The following CEACAM8 variants were observed in gnomAD, a reference collection of about 807,000 sequenced individuals.
CEACAM8 encodes CEA cell adhesion molecule 8.
A neutral mutation model predicts 33.4 loss-of-function variants in CEACAM8; 31 were observed. The observed-to-expected ratio is 0.93, with a 90% CI of 0.70 to 1.25. The LOEUF (loss-of-function observed/expected upper bound fraction) is 1.25. Ranked by LOEUF, CEACAM8 falls within the 50% of genes most tolerant of loss-of-function variation. The pLI is 0.00. For synonymous variants in CEACAM8, 138 were observed against 164.5 expected (o/e 0.84, Z 1.23); for missense variants, 388 against 434.6 (o/e 0.89, Z 0.95).
intron 3 of CEACAM8, among the ~76,000 whole-genome samples, 161 bp from the exon 4 acceptor site, chr19:42,589,199 C>T (rs144665412): frequency 3.6e-4 from 55 of 152,286 alleles, no homozygotes; most frequent in African/African-American, 1.2e-3. Flanking sequence ...AGACAGAGTC[C>T]GAGACATTTA....
intron 2 of CEACAM8, 115 bp downstream of exon 2, chr19:42,593,426 C>T (rs576486525): frequency 1.5e-6 from 2 of 1,372,524 alleles, no homozygotes; most frequent in Non-Finnish European, 2.0e-6. Context: ...AATGTCCAAA[C>T]CCTAAAGTGG....
chr19:42,583,520 A>G (rs903723287), intron 4 of CEACAM8, among the ~76,000 whole-genome samples, 183 bp from the exon 5 acceptor site: 1 of 152,180 alleles, frequency 6.6e-6, no homozygotes, highest in Non-Finnish European at 1.5e-5. Context: ...TTTTCCTCTC[A>G]CCATGTTTCT....
intron 2 of CEACAM8, among the ~76,000 whole-genome samples, chr19:42,590,321 C>T (rs1460129537): frequency 2.0e-5 from 3 of 152,180 alleles, no homozygotes; most frequent in African/African-American, 4.8e-5. Context: ...GGTGTTTCAT[C>T]GTGACTTACT....
chr19:42,586,131 T>C (rs1433063276), intron 4 of CEACAM8, among the ~76,000 whole-genome samples: 1 of 152,204 alleles, frequency 6.6e-6, no homozygotes, highest in East Asian at 1.9e-4. Context: ...TTTCATGGAT[T>C]GGAAGACACG....
rs45495900 is a variant in CEACAM8 at position 42,582,476 on chromosome 19, G to A, written c.*40+730C>T. 3.8e-3 allele frequency among the ~76,000 whole-genome samples: 583 copies of A among 152,274 alleles called. 4 individuals are homozygous for A. The highest frequency in any genetic ancestry group is 9.2e-3 in the African/African-American group (381 of 41,546). ...ATCAGGAAAAGGTTCTCAACCACACGTAGGCTGTGTCCTGAATCTCAGGTT... is the reference window on the plus strand; with the variant it reads ...ATCAGGAAAAGGTTCTCAACCACACATAGGCTGTGTCCTGAATCTCAGGTT... On this transcript the variant is annotated intron_variant, in intron 5 of 5. Coordinates refer to ENST00000244336, the MANE Select transcript of CEACAM8 (RefSeq NM_001816.4).
chr19:42,594,250 C>G (rs569951498), intron 1 of CEACAM8, among the ~76,000 whole-genome samples: 12 of 152,264 alleles, frequency 7.9e-5, no homozygotes, highest in Non-Finnish European at 1.5e-4. Context: ...CCTGTCAGCG[C>G]CTGACCTCAC....
intron 2 of CEACAM8, among the ~76,000 whole-genome samples, chr19:42,591,437 A>G (rs1408422530): frequency 6.6e-6 from 1 of 152,194 alleles, no homozygotes; most frequent in Non-Finnish European, 1.5e-5. Context: ...TGTCAATTCC[A>G]TAAAGGGAGG....
intron 1 of CEACAM8, among the ~76,000 whole-genome samples, chr19:42,594,382 T>A (rs2042507040): frequency 6.6e-6 from 1 of 152,102 alleles, no homozygotes; most frequent in Non-Finnish European, 1.5e-5. Flanking sequence ...TGTGGATGAG[T>A]TCCTGAGCAT....
At chr19:42,589,072 A>G (rs751897655) in intron 3 of CEACAM8, 34 bp from the exon 4 acceptor site, 5 of 1,588,134 alleles carry the variant, frequency 3.1e-6, no homozygotes, top group African/African-American at 2.7e-5. Context: ...AGGTGATGTC[A>G]TCAGAGGGAA....
chr19:42,584,526 A>G (rs954908288), intron 4 of CEACAM8, among the ~76,000 whole-genome samples: 2 of 152,222 alleles, frequency 1.3e-5, no homozygotes, highest in African/African-American at 4.8e-5. Context: ...CTCAGCTTCA[A>G]GCTAATGATA....
rs1189746683 is a variant in CEACAM8 at position 42,581,355 on chromosome 19, T to C, written c.*41-2A>G. ...TTGAGGAAGAATAAAAACAACTGTC[T>C]GTGAATGACAAAGATTGAAAATGAC... On this transcript the variant is annotated splice_acceptor_variant, in intron 5 of 5. Transcript: ENST00000244336. LOFTEE classifies it low-confidence loss of function (3UTR_SPLICE). The C allele has an allele frequency of 6.6e-6, 1 of 152,178 alleles. No homozygotes were observed. The highest frequency in any genetic ancestry group is 1.5e-5 in the Non-Finnish European group (1 of 68,034). 9.4% of individuals were successfully genotyped at this position (152,178 alleles called of 1,614,324 possible). A position where few individuals can be genotyped will look rare whatever the true frequency, so the allele number is the denominator to read the frequency against.
In CEACAM8 at chr19:42,593,776, A is replaced by G. The variant is rs1381470925; in HGVS notation, c.189T>C (p.Arg63=). Residue 63 remains arginine (R), a synonymous_variant, in exon 2 of 6, where the codon CGT becomes CGC. Transcript: ENST00000244336. The part of the protein sequence containing the change: ...LLVHNLPQDP[R]GYNWYKGETV... ...TTTCCCCTTTGTACCAGTTGTAGCCACGAGGGTCCTGGGGCAGATTGTGGA... is the reference window on the plus strand; with the variant it reads ...TTTCCCCTTTGTACCAGTTGTAGCCGCGAGGGTCCTGGGGCAGATTGTGGA... 1.2e-6 allele frequency: 2 copies of G among 1,614,096 alleles called. No homozygotes were observed. The highest frequency in any genetic ancestry group is 3.3e-5 in the Admixed American group (2 of 60,006).
At chr19:42,584,197 AC>A (rs149709504) in intron 4 of CEACAM8, among the ~76,000 whole-genome samples, 8,659 of 148,364 alleles carry the variant, frequency 0.058, 824 homozygotes, top group African/African-American at 0.21. Flanking sequence ...TACCTAAGAT[AC>A]CTTTTACACA....
At chr19:42,586,955 A>G (rs1376948868) in intron 4 of CEACAM8, among the ~76,000 whole-genome samples, 1 of 152,230 alleles carries the variant, frequency 6.6e-6, no homozygotes, top group Non-Finnish European at 1.5e-5. Flanking sequence ...AGGAAGATAT[A>G]CAAATGGCCA....
At chr19:42,590,499 C>T (rs1290746944) in intron 2 of CEACAM8, among the ~76,000 whole-genome samples, 2 of 152,134 alleles carry the variant, frequency 1.3e-5, no homozygotes, top group African/African-American at 2.4e-5. Context: ...TGGATCCTCC[C>T]ATAAATACAT....
At chr19:42,594,100 G>A (rs1255250253) in intron 1 of CEACAM8, among the ~76,000 whole-genome samples, 200 bp from the exon 2 acceptor site, 1 of 152,112 alleles carries the variant, frequency 6.6e-6, no homozygotes, top group Non-Finnish European at 1.5e-5. Context: ...CTTCTTCAGG[G>A]TTCTGCACGG....
At chr19:42,582,551 G>T (rs1480931247) in intron 5 of CEACAM8, among the ~76,000 whole-genome samples, 1 of 151,990 alleles carries the variant, frequency 6.6e-6, no homozygotes, top group Non-Finnish European at 1.5e-5. Context: ...GAGGTTGCTT[G>T]CTTTGAAGGG....
intron 4 of CEACAM8, among the ~76,000 whole-genome samples, 155 bp downstream of exon 4, chr19:42,588,629 A>G (rs2042376118): frequency 6.6e-6 from 1 of 152,184 alleles, no homozygotes; most frequent in African/African-American, 2.4e-5. Context: ...AAGAGAGTCT[A>G]TAGAGATAAA....
At chr19:42,586,092 C>G (rs144033984) in intron 4 of CEACAM8, among the ~76,000 whole-genome samples, 1 of 152,044 alleles carries the variant, frequency 6.6e-6, no homozygotes, top group Non-Finnish European at 1.5e-5. Flanking sequence ...AAATTAAATA[C>G]GACCTCAAAA....
Sources: gnomAD v4.1 joint callset for allele counts (sites outside exome capture counted in the v4.1 genomes callset) on GRCh38, gnomAD v4.1.1 for gene constraint, MANE v1.5 for transcripts, NCBI Gene and HGNC (gene_info 2026-07-23, HGNC 2026-07-21) for gene names.